MYO18A: variants seen among roughly 807,000 people sequenced by gnomAD.
The protein encoded by MYO18A is unconventional myosin-XVIIIa.
MYO18A carries 78 observed loss-of-function variants against 235.8 expected under a neutral mutation model. That is an observed-to-expected ratio of 0.33 (90% CI 0.28 to 0.40). The LOEUF (loss-of-function observed/expected upper bound fraction) is 0.40, where lower values mean the gene tolerates loss of function less well. Ranked by LOEUF, MYO18A falls within the 10% of genes least tolerant of loss-of-function variation. The pLI is 1.00. For synonymous variants in MYO18A, 977 were observed against 1,077.8 expected (o/e 0.91, Z 1.83); for missense variants, 2,215 against 2,699.3 (o/e 0.82, Z 3.98).
intron 41 of MYO18A, chr17:29,079,987 T>C: frequency 2.0e-6 from 2 of 986,016 alleles, no homozygotes; most frequent in Non-Finnish European, 2.4e-6. Context: ...GCGCCCCTTC[T>C]TCCGCCTCTT....
intron 2 of MYO18A, among the ~76,000 whole-genome samples, chr17:29,128,811 CTT>C (rs1346107304): frequency 6.6e-6 from 1 of 152,226 alleles, no homozygotes; most frequent in Non-Finnish European, 1.5e-5. Context: ...TATCCCCAGA[CTT>C]AGCATGGACC....
At chr17:29,133,655 T>C (rs1474104193) in intron 2 of MYO18A, 1 of 514,174 alleles carries the variant, frequency 1.9e-6, no homozygotes, top group Admixed American at 2.7e-5. Flanking sequence ...CCCGTCATTC[T>C]CCCTGCCACC....
chr17:29,148,541 G>A (rs2067896168), intron 2 of MYO18A, among the ~76,000 whole-genome samples: 1 of 152,048 alleles, frequency 6.6e-6, no homozygotes, highest in Non-Finnish European at 1.5e-5. Context: ...GCCAGCGCAG[G>A]AGTCCCTTCC....
chr17:29,139,340 G>A (rs1318188133), intron 2 of MYO18A, among the ~76,000 whole-genome samples: 4 of 152,144 alleles, frequency 2.6e-5, no homozygotes, highest in Non-Finnish European at 5.9e-5. Context: ...GTGACCTGGT[G>A]CTAGTGGCCC....
chr17:29,118,276 A>G lies in MYO18A; in HGVS notation c.1894-87T>C. 1 of 1,551,676 alleles carries G rather than the reference A, an allele frequency of 6.4e-7. No homozygotes were observed. The highest frequency in any genetic ancestry group is 1.4e-5 in the African/African-American group (1 of 73,480). On this transcript the variant is annotated intron_variant, in intron 9 of 41. Coordinates refer to ENST00000527372, the MANE Select transcript of MYO18A (RefSeq NM_078471.4). This position sits in a 1 kb window ranked among gnomAD's most constrained non-coding sequence, Gnocchi z 4.2. ...CTCAGGGCAAGGCTTGGGTAGAGCC[A>G]GCAGCTGGAGCTGGGCTCCCACTAT...
chr17:29,127,571 C>T (rs1476506149), intron 2 of MYO18A, among the ~76,000 whole-genome samples: 2 of 152,240 alleles, frequency 1.3e-5, no homozygotes, highest in Non-Finnish European at 2.9e-5. Flanking sequence ...AAGCTGGCGC[C>T]ATGTAGCTGG....
chr17:29,154,467 CG>C (rs2068025335), intron 2 of MYO18A, among the ~76,000 whole-genome samples: 1 of 152,220 alleles, frequency 6.6e-6, no homozygotes, highest in African/African-American at 2.4e-5. Context: ...CCAGGGCAAT[CG>C]GGGCTCTGCC....
intron 28 of MYO18A, 30 bp downstream of exon 28, chr17:29,096,731 C>A: frequency 6.4e-7 from 1 of 1,559,440 alleles, no homozygotes; most frequent in Non-Finnish European, 8.7e-7. Flanking sequence ...CCAGAAGGTT[C>A]TCTGGGCCCA....
chr17:29,139,802 G>A (rs1442892191), intron 2 of MYO18A, among the ~76,000 whole-genome samples: 3 of 152,146 alleles, frequency 2.0e-5, no homozygotes, highest in Non-Finnish European at 4.4e-5. Flanking sequence ...AAATGGAGGT[G>A]GCCATGCTAA....
In MYO18A at chr17:29,109,149, CAAAAAACAAAA is replaced by C. The variant is rs1426018857; in HGVS notation, c.3331+698_3331+708del. On this transcript the variant is annotated intron_variant, in intron 19 of 41. Transcript: ENST00000527372. The surrounding 1 kb of genome is among the most constrained non-coding windows in gnomAD (Gnocchi z 4.1). The stretch of plus-strand genomic sequence containing the variant: ...ACCCAGCAACTCATAACTTCTCAGG[CAAAAAACAAAA>C]AAAAAACAAAAAAAACCCACCCTAC... Among the ~76,000 whole-genome samples, 4 of 135,742 alleles carry C rather than the reference CAAAAAACAAAA, an allele frequency of 2.9e-5. No homozygotes were observed. The highest frequency in any genetic ancestry group is 1.3e-4 in the African/African-American group (4 of 31,274). The allele number at this position is 135,742 out of a possible 152,430, so 89.1% of individuals were successfully genotyped here.
Position 29,121,642 on chromosome 17 carries a change from G to T in MYO18A, c.1276C>A (p.Arg426Ser), listed in dbSNP as rs199850484. ...LNESSVLHTL[R>S]QRYGASLLHT... is the part of the protein sequence containing the mutation. The stretch of plus-strand genomic sequence containing the variant: ...AGCAGGCTAGCGCCATAGCGCTGGC[G>T]CAAGGTGTGCAGGACGCTGGACTCA... The change falls in exon 5 of 42, where the codon CGC becomes AGC. Residue 426 changes from arginine to serine, a missense_variant. By Grantham distance (110) the Arg-to-Ser change is moderately radical. Transcript: ENST00000527372. This position sits in a 1 kb window ranked among gnomAD's most constrained non-coding sequence, Gnocchi z 4.2. 2 of 1,574,048 alleles carry T rather than the reference G, an allele frequency of 1.3e-6. No individual in the cohort carries two copies. The highest frequency in any genetic ancestry group is 1.7e-6 in the Non-Finnish European group (2 of 1,160,114).
intron 2 of MYO18A, among the ~76,000 whole-genome samples, chr17:29,147,004 G>A (rs2067861635): frequency 6.6e-6 from 1 of 152,196 alleles, no homozygotes; most frequent in African/African-American, 2.4e-5. Context: ...AAAACCCTGC[G>A]AGGTAATGAG....
At position 29,119,401 on chromosome 17, in the gene MYO18A, C is replaced by T. The variant is rs567570421; in HGVS notation, c.1763G>A (p.Arg588His). 19 of 1,610,528 alleles carry T rather than the reference C, an allele frequency of 1.2e-5. No homozygotes were observed. The highest frequency in any genetic ancestry group is 1.7e-4 in the Middle Eastern group (1 of 5,934). The change falls in exon 8 of 42, where the codon CGC (arginine) becomes CAC (histidine). Residue 588 changes from arginine to histidine, a missense_variant. Transcript: ENST00000527372. ...MLLEKLRVAR[R>H]PASEATFNVF... ...GTTGAATGTGGCTTCACTGGCTGGG[C>T]GCCGAGCCACACGCAGCTTCTCCAG...
intron 2 of MYO18A, among the ~76,000 whole-genome samples, chr17:29,146,184 G>T (rs372405884): frequency 6.6e-6 from 1 of 152,110 alleles, no homozygotes; most frequent in Admixed American, 6.5e-5. Context: ...CTTGAACCCG[G>T]GAGGCAGAGG....
chr17:29,110,234 G>T, intron 18 of MYO18A, 133 bp from the exon 19 acceptor site: 4 of 1,382,906 alleles, frequency 2.9e-6, no homozygotes, highest in East Asian at 2.5e-5. Flanking sequence ...GCTAAACCTG[G>T]ACAACTCTGC....
chr17:29,073,392 G>A lies in MYO18A; in HGVS notation c.*1378C>T, dbSNP rs748781440. ...TTAAGTGGCACTGGTCTGACACTTT[G>A]GGGAGCAGGCCAGAGACCAGGGTGA... On this transcript the variant is annotated 3_prime_UTR_variant, in exon 42 of 42. Transcript: ENST00000527372. The A allele has an allele frequency of 1.3e-5, 2 of 155,008 alleles. No homozygotes were observed. The highest frequency in any genetic ancestry group is 2.4e-5 in the African/African-American group (1 of 41,534). 9.6% of individuals were successfully genotyped at this position (155,008 alleles called of 1,614,324 possible).
intron 34 of MYO18A, chr17:29,091,491 C>T: frequency 2.5e-6 from 1 of 394,190 alleles, no homozygotes; most frequent in South Asian, 1.9e-5. Flanking sequence ...TTGGCTCCTT[C>T]TCTGCCCCAT....
chr17:29,111,633 T>C lies in MYO18A; in HGVS notation c.2741-50A>G. On this transcript the variant is annotated intron_variant, in intron 16 of 41. Coordinates refer to ENST00000527372, the MANE Select transcript of MYO18A (RefSeq NM_078471.4). The surrounding 1 kb of genome is among the most constrained non-coding windows in gnomAD (Gnocchi z 5.1). ...AGGTCGTCAGGGTACAGGCACAAAG[T>C]GACCCCCGCCCCCTCCCAGGGAGTG... The C allele has an allele frequency of 6.2e-7, 1 of 1,612,244 alleles. No homozygotes were observed. The highest frequency in any genetic ancestry group is 8.5e-7 in the Non-Finnish European group (1 of 1,178,696).
Position 29,126,035 on chromosome 17 carries a change from C to T in MYO18A, c.1000-3782G>A. 2.2e-6 allele frequency: 2 copies of T among 912,386 alleles called. No individual in the cohort carries two copies. Among genetic ancestry groups the T allele is most frequent in the African/African-American group, 1.8e-5 (1 of 56,024 alleles). The allele number at this position is 912,386 out of a possible 1,614,324, so 56.5% of individuals were successfully genotyped here. ...GGCCACAGCATGCGGAGCTCCCAGC[C>T]CAGGAAGCCACTGGGACCCACTAGG... is the stretch of plus-strand genomic sequence containing the variant. On this transcript the variant is annotated intron_variant, in intron 2 of 41. Transcript: ENST00000527372. This position sits in a 1 kb window ranked among gnomAD's most constrained non-coding sequence, Gnocchi z 4.1.
Sources: gnomAD v4.1 joint callset for allele counts (sites outside exome capture counted in the v4.1 genomes callset) on GRCh38, gnomAD v4.1.1 for gene constraint, Gnocchi (gnomAD v3.1) non-coding constraint, MANE v1.5 for transcripts, NCBI Gene and HGNC (gene_info 2026-07-23, HGNC 2026-07-21) for gene names.